CFAP97: variants seen among roughly 807,000 people sequenced by gnomAD.
CFAP97 encodes the protein cilia and flagella associated protein 97.
A neutral mutation model predicts 43.1 loss-of-function variants in CFAP97; 36 were observed. The ratio of observed to expected loss-of-function variants is 0.84; its 90% CI spans 0.64 to 1.10. CFAP97 has a LOEUF of 1.10. Among genes scored for constraint, CFAP97 ranks in the 50% least tolerant of loss-of-function variants. The pLI is 0.00. For synonymous variants in CFAP97, 228 were observed against 225.7 expected, an observed-to-expected ratio of 1.01 and a Z score of -0.09; for missense variants, 657 against 620.3, an observed-to-expected ratio of 1.06 and a Z score of -0.63.
Position 185,173,116 on chromosome 4 carries a change from C to T in CFAP97, c.1320+2670G>A, listed in dbSNP as rs924449874. 1.1e-4 allele frequency among the ~76,000 whole-genome samples: 16 copies of T among 152,216 alleles called. No individual in the cohort carries two copies. In the Middle Eastern group the frequency reaches 0.01, roughly 97 times the overall value. Reference sequence around the variant, plus strand: ...CAGTGGCTCACGCCTGTAATCCCAGCACTTTGGGAGGCAGAGGAGGGAGGA... The same window carrying T: ...CAGTGGCTCACGCCTGTAATCCCAGTACTTTGGGAGGCAGAGGAGGGAGGA... On this transcript the variant is annotated intron_variant, in intron 3 of 4. Coordinates refer to ENST00000458385, the MANE Select transcript of CFAP97 (RefSeq NM_020827.3).
intron 3 of CFAP97, chr4:185,169,463 GGCTTCTCCA>G (rs1735204559): frequency 1.5e-5 from 6 of 400,012 alleles, no homozygotes; most frequent in Non-Finnish European, 2.0e-5. Flanking sequence ...AGTTTCCTGA[GGCTTCTCCA>G]GCCTTGCAGA....
At position 185,160,512 on chromosome 4, in the gene CFAP97, TACC is replaced by T. The variant is rs1265460783; in HGVS notation, c.*2283_*2285del. ...CTTCATAGCATCTTGACTTAGAATA[TACC>T]ACATTTTCCAAGTCCTATTTGTCTA... On this transcript the variant is annotated 3_prime_UTR_variant, in exon 5 of 5. Transcript: ENST00000458385. The T allele has an allele frequency of 6.6e-6, 1 of 152,156 alleles. No individual in the cohort carries two copies. The highest frequency in any genetic ancestry group is 6.5e-5 in the Admixed American group (1 of 15,278). The allele number at this position is 152,156 out of a possible 1,614,324, so 9.4% of individuals were successfully genotyped here. A position where few individuals can be genotyped will look rare whatever the true frequency, so the allele number is the denominator to read the frequency against.
At chr4:185,177,142 G>A (rs1405626533) in intron 2 of CFAP97, among the ~76,000 whole-genome samples, 5 of 152,184 alleles carry the variant, frequency 3.3e-5, no homozygotes, top group African/African-American at 9.6e-5. Context: ...GGCCAGGCGC[G>A]GTGGCTCAGC....
intron 3 of CFAP97, among the ~76,000 whole-genome samples, chr4:185,173,362 T>TAAAA (rs11345517): frequency 1.4e-4 from 18 of 127,658 alleles, no homozygotes; most frequent in African/African-American, 5.0e-4. Flanking sequence ...CTCCGTCTCT[T>TAAAA]AAAAAAAAAA....
upstream of CFAP97, among the ~76,000 whole-genome samples, chr4:185,208,548 T>C (rs561997832): frequency 1.3e-5 from 2 of 151,700 alleles, no homozygotes; most frequent in African/African-American, 4.8e-5. Flanking sequence ...GCTAATATGG[T>C]GAAACCCCGT....
At chr4:185,205,511 G>A (rs999059201), upstream of CFAP97, among the ~76,000 whole-genome samples, 1 of 151,904 alleles carries the variant, frequency 6.6e-6, no homozygotes, top group African/African-American at 2.4e-5. Flanking sequence ...AAACTGTGTT[G>A]GCACCACTTT....
Position 185,161,599 on chromosome 4 carries a change from A to G in CFAP97, c.*1199T>C, listed in dbSNP as rs1268561144. 6.6e-6 allele frequency: 1 copy of G among 152,236 alleles called. No individual in the cohort carries two copies. Among genetic ancestry groups the G allele is most frequent in the Non-Finnish European group, 1.5e-5 (1 of 68,042 alleles). The allele number at this position is 152,236 out of a possible 1,614,324, so 9.4% of individuals were successfully genotyped here. A position where few individuals can be genotyped will look rare whatever the true frequency, so the allele number is the denominator to read the frequency against. On this transcript the variant is annotated 3_prime_UTR_variant, in exon 5 of 5. Transcript: ENST00000458385. ...TGTTATATAAAAGCCTAAGTTTCATAGAAAAAAAATTCTAATTTGAAAAGT... is the reference window on the plus strand; with the variant it reads ...TGTTATATAAAAGCCTAAGTTTCATGGAAAAAAAATTCTAATTTGAAAAGT...
chr4:185,182,486 C>T (rs1735832786), intron 2 of CFAP97: 1 of 152,210 alleles, frequency 6.6e-6, no homozygotes. Flanking sequence ...AATACTGCCA[C>T]TATGCAATGG....
At chr4:185,184,144 T>C (rs1735912487) in intron 2 of CFAP97, among the ~76,000 whole-genome samples, 1 of 152,206 alleles carries the variant, frequency 6.6e-6, no homozygotes, top group Non-Finnish European at 1.5e-5. Context: ...AGCACGGGTA[T>C]CACCAGTAGG....
At chr4:185,178,355 G>A (rs546940166) in intron 2 of CFAP97, among the ~76,000 whole-genome samples, 1 of 143,340 alleles carries the variant, frequency 7.0e-6, no homozygotes, top group Non-Finnish European at 1.5e-5. Flanking sequence ...TCAAGCGATT[G>A]TCCTGCCTCA....
At chr4:185,201,229 G>A (rs1736809806) in intron 1 of CFAP97, among the ~76,000 whole-genome samples, 1 of 151,816 alleles carries the variant, frequency 6.6e-6, no homozygotes, top group South Asian at 2.1e-4. Flanking sequence ...GGGAGGCTGA[G>A]GCAGGAGAAT....
At chr4:185,176,299 G>A (rs898026801) in intron 2 of CFAP97, among the ~76,000 whole-genome samples, 1 of 151,994 alleles carries the variant, frequency 6.6e-6, no homozygotes, top group Non-Finnish European at 1.5e-5. Flanking sequence ...TTTTAGTAGG[G>A]ACAGGGTTTC....
intron 1 of CFAP97, 195 bp downstream of exon 1, chr4:185,203,701 AAC>A (rs1560880128): frequency 6.6e-6 from 1 of 151,554 alleles, no homozygotes; most frequent in Non-Finnish European, 1.5e-5. Flanking sequence ...ACCGGGGTGG[AAC>A]GGCGCCGCGA....
At chr4:185,194,326 T>TA (rs1052815081) in intron 1 of CFAP97, among the ~76,000 whole-genome samples, 14 of 152,112 alleles carry the variant, frequency 9.2e-5, no homozygotes, top group Admixed American at 2.0e-4. Context: ...CCTTCTCTAC[T>TA]AAAAATACAA....
rs943991572 is a variant in CFAP97, at chr4:185,160,065, T to C, written c.*2733A>G. ...CGATATCTACTGTGGACACTCAGGT[T>C]AGCGGAGAGAAAACAACTGCATTAC... On this transcript the variant is annotated 3_prime_UTR_variant, in exon 5 of 5. Coordinates refer to ENST00000458385, the MANE Select transcript of CFAP97 (RefSeq NM_020827.3). 6.6e-6 allele frequency: 1 copy of C among 151,420 alleles called. No homozygotes were observed. Among genetic ancestry groups the C allele is most frequent in the Non-Finnish European group, 1.5e-5 (1 of 67,932 alleles). The allele number at this position is 151,420 out of a possible 1,614,324, so 9.4% of individuals were successfully genotyped here.
rs913789836 is a variant in CFAP97, at chr4:185,176,188, C to T, written c.1055-137G>A. ...AGTGCAATGGGACAATCTTAGCTCA[C>T]TGCAACCTCCGCCTCCTGGGTTCAA... On this transcript the variant is annotated intron_variant, in intron 2 of 4. Transcript: ENST00000458385. The T allele has an allele frequency of 1.9e-4, 138 of 731,306 alleles. 2 individuals are homozygous for T. The highest frequency in any genetic ancestry group is 5.1e-5 in the Non-Finnish European group (24 of 473,324). The allele number at this position is 731,306 out of a possible 1,614,324, so 45.3% of individuals were successfully genotyped here.
intron 3 of CFAP97, among the ~76,000 whole-genome samples, chr4:185,170,589 A>AT (rs1348693707): frequency 6.6e-6 from 1 of 150,810 alleles, no homozygotes; most frequent in African/African-American, 2.4e-5. Flanking sequence ...AATTTTTTGT[A>AT]TTTTTAGTAG....
At position 185,194,132 on chromosome 4, in the gene CFAP97, G is replaced by C. The variant is rs1579262855; in HGVS notation, c.-16-2920C>G. The stretch of plus-strand genomic sequence containing the variant: ...TTTCACACTACGACTGCAGAGCTAA[G>C]TAGCTGTGATTGAGACCCTATGGCC... On this transcript the variant is annotated intron_variant, in intron 1 of 4. Transcript: ENST00000458385. Among the ~76,000 whole-genome samples, 3 of 152,198 alleles carry C rather than the reference G, an allele frequency of 2.0e-5. No individual in the cohort carries two copies. The South Asian group carries it at 6.2e-4, about 31-fold the overall frequency.
Position 185,164,160 on chromosome 4 carries a change from T to G in CFAP97, c.1340A>C (p.Glu447Ala), listed in dbSNP as rs574593654. ...RENLALLKRLEAVKPTVGMKR... is the reference protein window; with the variant it reads ...RENLALLKRLAAVKPTVGMKR... ...CATACCAACTGTTGGTTTCACGGCC[T>G]CAAGCCTTTTCAATAAAGCCTTCAA... Residue 447 changes from glutamate to alanine, a missense_variant, in exon 4 of 5, where the codon GAG becomes GCG. Glu to Ala is a moderately radical substitution (Grantham distance 107, BLOSUM62 -1). Coordinates refer to ENST00000458385, the MANE Select transcript of CFAP97 (RefSeq NM_020827.3). The G allele has an allele frequency of 4.5e-5, 72 of 1,613,874 alleles. No individual in the cohort carries two copies. In the Admixed American group the frequency reaches 1.2e-3, roughly 27 times the overall value.
Sources: allele counts gnomAD v4.1 joint callset (sites outside exome capture counted in the v4.1 genomes callset), GRCh38; gene constraint gnomAD v4.1.1; transcripts MANE v1.5; gene names NCBI Gene and HGNC (gene_info 2026-07-23, HGNC 2026-07-21).